The following MCTP2 variants were observed in gnomAD, a reference collection of about 807,000 sequenced individuals.
MCTP2 encodes multiple C2 and transmembrane domain-containing protein 2.
In MCTP2, 132 loss-of-function variants were observed where a neutral mutation model predicts 111.6. The observed-to-expected ratio is 1.18, with a 90% CI of 1.03 to 1.37. The LOEUF (loss-of-function observed/expected upper bound fraction) is 1.37, where lower values mean the gene tolerates loss of function less well. Among genes scored for constraint, MCTP2 ranks in the 40% most tolerant of loss-of-function variants. The probability of loss-of-function intolerance (pLI) is 0.00; values close to 1 mark genes in which losing one functional copy is unlikely to be tolerated. For missense variants in MCTP2, 1,183 were observed against 1,067.9 expected, an observed-to-expected ratio of 1.11 and a Z score of -1.50; for synonymous variants, 395 against 387.7, an observed-to-expected ratio of 1.02 and a Z score of -0.22.
intron 21 of MCTP2, among the ~76,000 whole-genome samples, chr15:94,470,861 C>T (rs1467571191): frequency 6.6e-6 from 1 of 152,068 alleles, no homozygotes; most frequent in Non-Finnish European, 1.5e-5. Context: ...CACTTCATCC[C>T]TCTTGGAGAA....
Position 94,440,277 on chromosome 15 carries a change from C to G in MCTP2, c.2187C>G (p.Val729=). 1.9e-6 allele frequency: 3 copies of G among 1,614,102 alleles called. No homozygotes were observed. Among genetic ancestry groups the G allele is most frequent in the Non-Finnish European group, 2.5e-6 (3 of 1,179,990 alleles). ...YNFIRPVKGK[V]SSIQDSQEST... ...TCATCAGACCTGTGAAAGGCAAGGT[C>G]AGCAGCATCCAGGACAGCCAGGTAA... Residue 729 remains valine (V), a synonymous_variant, in exon 18 of 23, where the codon GTC becomes GTG. Transcript: ENST00000357742.
intron 14 of MCTP2, among the ~76,000 whole-genome samples, chr15:94,394,272 A>G (rs2081163056): frequency 6.6e-6 from 1 of 151,980 alleles, no homozygotes; most frequent in Admixed American, 6.6e-5. Context: ...AGTGAAGATA[A>G]GTATCCTTCT....
At chr15:94,310,213 A>G (rs540040005) in intron 2 of MCTP2, among the ~76,000 whole-genome samples, 3 of 152,340 alleles carry the variant, frequency 2.0e-5, no homozygotes, top group African/African-American at 7.2e-5. Context: ...CCAGTCTCAA[A>G]CATTTAAATA....
chr15:94,464,716 T>C (rs2073121171), intron 20 of MCTP2, among the ~76,000 whole-genome samples: 2 of 152,042 alleles, frequency 1.3e-5, no homozygotes, highest in Admixed American at 1.3e-4. Context: ...ATATTCTCAT[T>C]ATCATTCAAA....
chr15:94,278,544 T>C (rs2074324583), intron 1 of MCTP2, among the ~76,000 whole-genome samples: 1 of 152,174 alleles, frequency 6.6e-6, no homozygotes, highest in Non-Finnish European at 1.5e-5. Context: ...ATAATATATT[T>C]ATGACCTTGA....
At chr15:94,454,601 GA>G (rs112572523) in intron 19 of MCTP2, among the ~76,000 whole-genome samples, 34,811 of 146,954 alleles carry the variant, frequency 0.24, 4,841 homozygotes, top group African/African-American at 0.4. Context: ...CTCTTTTGTG[GA>G]AAAAAAAAAA....
At chr15:94,284,688 T>G (rs1191787970) in intron 1 of MCTP2, among the ~76,000 whole-genome samples, 1 of 152,190 alleles carries the variant, frequency 6.6e-6, no homozygotes, top group Non-Finnish European at 1.5e-5. Context: ...TGCTAGGGAA[T>G]GGTGGGAAAG....
chr15:94,394,256 T>C (rs1445280821), intron 14 of MCTP2, among the ~76,000 whole-genome samples: 2 of 152,014 alleles, frequency 1.3e-5, no homozygotes, highest in African/African-American at 4.8e-5. Context: ...ATTTCTTTGT[T>C]GCTGAAGTGA....
chr15:94,264,501 C>T (rs1004693632), intron 1 of MCTP2, among the ~76,000 whole-genome samples: 5 of 151,820 alleles, frequency 3.3e-5, no homozygotes, highest in African/African-American at 4.8e-5. Flanking sequence ...CCCAGCTACT[C>T]GGGAGGCTGA....
intron 2 of MCTP2, among the ~76,000 whole-genome samples, chr15:94,304,373 CA>C (rs2152344643): frequency 6.6e-6 from 1 of 152,280 alleles, no homozygotes. Flanking sequence ...ACCCAGGAGG[CA>C]GAGGTTGCAG....
At chr15:94,293,987 T>C (rs903077557) in intron 1 of MCTP2, among the ~76,000 whole-genome samples, 3 of 152,204 alleles carry the variant, frequency 2.0e-5, no homozygotes, top group East Asian at 1.9e-4. Flanking sequence ...AAGGGGTAAA[T>C]AGATTAATTG....
chr15:94,240,922 A>G (rs2070898253), intron 1 of MCTP2, among the ~76,000 whole-genome samples: 1 of 152,156 alleles, frequency 6.6e-6, no homozygotes, highest in Non-Finnish European at 1.5e-5. Flanking sequence ...AACCCAGGAA[A>G]ATTCTTGTGG....
intron 12 of MCTP2, among the ~76,000 whole-genome samples, 171 bp downstream of exon 12, chr15:94,370,351 G>A (rs1227033256): frequency 2.0e-5 from 3 of 152,254 alleles, no homozygotes; most frequent in South Asian, 4.1e-4. Context: ...TTCACATAAA[G>A]CACCTATTTA....
At chr15:94,297,916 T>G (rs1260437343) in intron 1 of MCTP2, among the ~76,000 whole-genome samples, 4 of 152,042 alleles carry the variant, frequency 2.6e-5, no homozygotes, top group South Asian at 2.1e-4. Flanking sequence ...GACAGTTATC[T>G]CTTCATGAAG....
chr15:94,426,242 A>G (rs2082886737), intron 17 of MCTP2, among the ~76,000 whole-genome samples: 1 of 152,060 alleles, frequency 6.6e-6, no homozygotes, highest in African/African-American at 2.4e-5. Flanking sequence ...TGTCTTTTAT[A>G]AATTTTGGAA....
At chr15:94,314,436 TAA>T (rs35800874) in intron 3 of MCTP2, 92 bp downstream of exon 3, 10,919 of 606,866 alleles carry the variant, frequency 0.018, no homozygotes, top group South Asian at 0.026. Context: ...CTTTTATTGC[TAA>T]AAAAAAAAAA....
Position 94,298,729 on chromosome 15 carries a change from A to G in MCTP2, c.464A>G (p.Glu155Gly), listed in dbSNP as rs754708541. Residue 155 changes from glutamate (E) to glycine (G), a missense_variant and splice_region_variant, in exon 2 of 23, where the codon GAG (glutamate) becomes GGG (glycine). Coordinates refer to ENST00000357742, the MANE Select transcript of MCTP2 (RefSeq NM_001385001.1). ...GGAGGGGATGCACCAGAAGAGCCAG[A>G]GGTGAGAATAGGGCTGGGCTCTCTT... The part of the protein sequence containing the change: ...SLGGDAPEEP[E>G]KLCGSSDLNA... 1 of 1,589,156 alleles carries G rather than the reference A, an allele frequency of 6.3e-7. No individual in the cohort carries two copies. Among genetic ancestry groups the G allele is most frequent in the East Asian group, 2.2e-5 (1 of 44,798 alleles).
chr15:94,353,951 C>A (rs2078458773), intron 8 of MCTP2, among the ~76,000 whole-genome samples: 1 of 151,802 alleles, frequency 6.6e-6, no homozygotes, highest in African/African-American at 2.4e-5. Flanking sequence ...ATACAAAAAT[C>A]ACTTAATATT....
chr15:94,306,579 T>G (rs183461245), intron 2 of MCTP2, among the ~76,000 whole-genome samples: 111 of 152,346 alleles, frequency 7.3e-4, no homozygotes, highest in Non-Finnish European at 1.2e-3. Context: ...TTTATTTTTC[T>G]GTGTCCACTG....
Sources: gnomAD v4.1 joint callset for allele counts (sites outside exome capture counted in the v4.1 genomes callset) on GRCh38, gnomAD v4.1.1 for gene constraint, MANE v1.5 for transcripts, NCBI Gene and HGNC (gene_info 2026-07-23, HGNC 2026-07-21) for gene names.